The following FAM180A variants were observed in gnomAD, a reference collection of about 807,000 sequenced individuals.
FAM180A encodes family with sequence similarity 180 member A.
A neutral mutation model predicts 15.3 loss-of-function variants in FAM180A; 14 were observed. That is an observed-to-expected ratio of 0.92 (90% confidence interval 0.61 to 1.43). The LOEUF (loss-of-function observed/expected upper bound fraction) is 1.43, where lower values mean the gene tolerates loss of function less well. FAM180A is among the 40% of genes most tolerant of loss of function. FAM180A has a pLI of 0.00. For missense variants in FAM180A, 200 were observed against 220.8 expected (o/e 0.91, Z 0.60); for synonymous variants, 90 against 96.8 (o/e 0.93, Z 0.41).
intron 3 of FAM180A, among the ~76,000 whole-genome samples, chr7:135,730,876 C>T (rs1796771087): frequency 6.6e-6 from 1 of 152,202 alleles, no homozygotes; most frequent in African/African-American, 2.4e-5. Flanking sequence ...CAATGATCTG[C>T]ATTCAGATTA....
intron 1 of FAM180A, among the ~76,000 whole-genome samples, chr7:135,744,394 A>T (rs1796999188): frequency 6.6e-6 from 1 of 152,210 alleles, no homozygotes; most frequent in Non-Finnish European, 1.5e-5. Context: ...AAGCAACTCG[A>T]TGGAAAGGAC....
chr7:135,747,471 A>G (rs1363804729), intron 1 of FAM180A, among the ~76,000 whole-genome samples: 2 of 152,040 alleles, frequency 1.3e-5, no homozygotes, highest in Non-Finnish European at 2.9e-5. Flanking sequence ...GTCACGTTTA[A>G]CCATGAGGAA....
chr7:135,740,412 C>T (rs1271564593), intron 1 of FAM180A, among the ~76,000 whole-genome samples: 1 of 152,196 alleles, frequency 6.6e-6, no homozygotes, highest in Admixed American at 6.5e-5. Flanking sequence ...TGTGGCCGCT[C>T]TTTGTTTAGA....
At chr7:135,743,697 C>T (rs542011153) in intron 1 of FAM180A, among the ~76,000 whole-genome samples, 1 of 152,270 alleles carries the variant, frequency 6.6e-6, no homozygotes, top group African/African-American at 2.4e-5. Flanking sequence ...CAACAAATCA[C>T]CCATTTTAAA....
chr7:135,731,451 G>A (rs1412486422), intron 3 of FAM180A, among the ~76,000 whole-genome samples: 1 of 151,816 alleles, frequency 6.6e-6, no homozygotes, highest in Non-Finnish European at 1.5e-5. Context: ...AAGTCAAGCA[G>A]AAGAGTCTTG....
At chr7:135,740,213 T>C (rs1470817035) in intron 1 of FAM180A, among the ~76,000 whole-genome samples, 1 of 152,226 alleles carries the variant, frequency 6.6e-6, no homozygotes, top group Non-Finnish European at 1.5e-5. Context: ...TTAACACTGT[T>C]AGAGTCACCA....
chr7:135,736,521 G>T (rs2129496010), intron 2 of FAM180A, among the ~76,000 whole-genome samples: 1 of 152,372 alleles, frequency 6.6e-6, no homozygotes, highest in Non-Finnish European at 1.5e-5. Context: ...CTCAGATCTT[G>T]AGCCTGGGAT....
chr7:135,738,999 A>T (rs556239705), intron 1 of FAM180A, among the ~76,000 whole-genome samples: 1 of 152,270 alleles, frequency 6.6e-6, no homozygotes, highest in Admixed American at 6.5e-5. Flanking sequence ...AGGTCAAATT[A>T]TGTTCAGTGT....
intron 3 of FAM180A, among the ~76,000 whole-genome samples, chr7:135,730,623 C>A (rs1304128358): frequency 1.3e-5 from 2 of 152,170 alleles, no homozygotes; most frequent in Non-Finnish European, 2.9e-5. Context: ...CAAGTTTCCA[C>A]CACAAACATC....
chr7:135,732,264 G>A (rs1796793989), intron 3 of FAM180A, among the ~76,000 whole-genome samples: 1 of 152,188 alleles, frequency 6.6e-6, no homozygotes, highest in Non-Finnish European at 1.5e-5. Flanking sequence ...ACCTCTCAGG[G>A]TTGGTACAAA....
intron 1 of FAM180A, among the ~76,000 whole-genome samples, chr7:135,740,003 G>A (rs369544862): frequency 6.6e-6 from 1 of 152,172 alleles, no homozygotes; most frequent in African/African-American, 2.4e-5. Context: ...CCATGCTCAG[G>A]GAAGGAGCCA....
chr7:135,732,968 C>T (rs1554482160), intron 3 of FAM180A, among the ~76,000 whole-genome samples: 1 of 152,118 alleles, frequency 6.6e-6, no homozygotes, highest in South Asian at 2.1e-4. Context: ...CCACCTTGTT[C>T]GTTGGGAGAC....
In FAM180A at chr7:135,734,030, A is replaced by G. The variant is rs1273396071; in HGVS notation, c.467T>C (p.Phe156Ser). 12 of 1,613,936 alleles carry G rather than the reference A, an allele frequency of 7.4e-6. No homozygotes were observed. The highest frequency in any genetic ancestry group is 8.5e-6 in the Non-Finnish European group (10 of 1,179,974). ...DIWAQSLVSL[F>S]QALRHDLMRS... Reference sequence around the variant, plus strand: ...CATCAAGTCGTGCCTCAGGGCCTGGAAGAGGCTAACGAGGGACTGCGCCCA... The same window carrying G: ...CATCAAGTCGTGCCTCAGGGCCTGGGAGAGGCTAACGAGGGACTGCGCCCA... Residue 156 changes from phenylalanine to serine, a missense_variant, in exon 3 of 4, where the codon TTC (phenylalanine) becomes TCC (serine). Coordinates refer to ENST00000338588, the MANE Select transcript of FAM180A (RefSeq NM_205855.4).
At chr7:135,733,353 A>T (rs1796816109) in intron 3 of FAM180A, among the ~76,000 whole-genome samples, 1 of 151,780 alleles carries the variant, frequency 6.6e-6, no homozygotes, top group South Asian at 2.1e-4. Context: ...ATTTATTTTT[A>T]TTTTTATTTT....
intron 1 of FAM180A, among the ~76,000 whole-genome samples, chr7:135,747,465 C>T (rs976380191): frequency 2.0e-5 from 3 of 152,106 alleles, no homozygotes; most frequent in African/African-American, 4.8e-5. Flanking sequence ...CCTAATGTCA[C>T]GTTTAACCAT....
intron 1 of FAM180A, among the ~76,000 whole-genome samples, chr7:135,742,134 A>G (rs1277744311): frequency 1.3e-5 from 2 of 152,166 alleles, no homozygotes; most frequent in East Asian, 3.9e-4. Context: ...TAGGGCAGAC[A>G]TCTCAGTGGC....
intron 3 of FAM180A, among the ~76,000 whole-genome samples, chr7:135,733,067 T>C (rs1796811560): frequency 6.6e-6 from 1 of 152,220 alleles, no homozygotes; most frequent in Non-Finnish European, 1.5e-5. Flanking sequence ...TTCTGTGTTA[T>C]GCCAGCTTTC....
intron 1 of FAM180A, among the ~76,000 whole-genome samples, chr7:135,740,078 G>A (rs1796924482): frequency 6.6e-6 from 1 of 152,266 alleles, no homozygotes; most frequent in East Asian, 1.9e-4. Context: ...TGCCAAAAAA[G>A]AGCCAGTTTC....
chr7:135,745,945 C>T (rs1317671420), intron 1 of FAM180A, among the ~76,000 whole-genome samples: 1 of 151,644 alleles, frequency 6.6e-6, no homozygotes, highest in African/African-American at 2.4e-5. Flanking sequence ...GGGTGTGACT[C>T]CTATTCAGTC....
Sources: allele counts gnomAD v4.1 joint callset (sites outside exome capture counted in the v4.1 genomes callset), GRCh38; gene constraint gnomAD v4.1.1; transcripts MANE v1.5; gene names NCBI Gene and HGNC (gene_info 2026-07-23, HGNC 2026-07-21).